The following RNF121 variants were observed in gnomAD, a reference collection of about 807,000 sequenced individuals.
RNF121 encodes the protein E3 ubiquitin ligase RNF121.
A neutral mutation model predicts 46.5 loss-of-function variants in RNF121; 21 were observed. The observed-to-expected ratio is 0.45, with a 90% CI of 0.32 to 0.65. The LOEUF is 0.65. Among genes scored for constraint, RNF121 ranks in the 30% least tolerant of loss-of-function variants. The probability of loss-of-function intolerance (pLI) is 0.04; values close to 1 mark genes in which losing one functional copy is unlikely to be tolerated. For missense variants in RNF121, 346 were observed against 416.0 expected, an observed-to-expected ratio of 0.83 and a Z score of 1.46; for synonymous variants, 139 against 144.7, an observed-to-expected ratio of 0.96 and a Z score of 0.28.
chr11:71,941,635 G>A (rs1953571265), intron 1 of RNF121, among the ~76,000 whole-genome samples: 1 of 152,220 alleles, frequency 6.6e-6, no homozygotes, highest in African/African-American at 2.4e-5. Flanking sequence ...ACTTTAAATA[G>A]GGTGATTATG....
chr11:71,956,603 G>C (rs184809168), intron 1 of RNF121, among the ~76,000 whole-genome samples: 3 of 152,342 alleles, frequency 2.0e-5, no homozygotes, highest in Non-Finnish European at 4.4e-5. Context: ...AGTTTGCCCA[G>C]GTCCAGTGTA....
At chr11:71,985,471 GTCTC>G (rs1351775758) in intron 4 of RNF121, among the ~76,000 whole-genome samples, 2 of 152,116 alleles carry the variant, frequency 1.3e-5, no homozygotes, top group African/African-American at 2.4e-5. Flanking sequence ...TTTTCACCGT[GTCTC>G]TCTCTTTTGT....
At chr11:71,982,370 A>G (rs1481005162) in intron 3 of RNF121, among the ~76,000 whole-genome samples, 1 of 150,194 alleles carries the variant, frequency 6.7e-6, no homozygotes, top group Non-Finnish European at 1.5e-5. Flanking sequence ...GTTGGATCCT[A>G]TCCTTTGACT....
At chr11:71,990,531 A>G (rs1954844996) in intron 5 of RNF121, 66 bp from the exon 6 acceptor site, 2 of 1,580,010 alleles carry the variant, frequency 1.3e-6, no homozygotes, top group African/African-American at 1.4e-5. Flanking sequence ...TGTGTGTCCC[A>G]GAGTAGTAAT....
At chr11:71,990,454 C>G in intron 5 of RNF121, 143 bp from the exon 6 acceptor site, 1 of 954,684 alleles carries the variant, frequency 1.0e-6, no homozygotes, top group Non-Finnish European at 1.6e-6. Context: ...AGACAGCAGA[C>G]TGGATTTGGT....
chr11:71,947,279 CG>C lies in RNF121; in HGVS notation c.64-9946del, dbSNP rs139479899. Among the ~76,000 whole-genome samples the C allele has an allele frequency of 3.9e-3, 598 of 152,052 alleles. 2 individuals carry two copies. The highest frequency in any genetic ancestry group is 0.014 in the African/African-American group (579 of 41,466). On this transcript the variant is annotated intron_variant, in intron 1 of 8. Coordinates refer to ENST00000361756, the MANE Select transcript of RNF121 (RefSeq NM_018320.5). ...TCCGAGCACTTTGGGAGGCCAGCGC[CG>C]GAGGATCACTTGAGCCCAGAAGTTT...
intron 4 of RNF121, among the ~76,000 whole-genome samples, chr11:71,986,780 A>G (rs1299021650): frequency 1.3e-5 from 2 of 151,656 alleles, no homozygotes; most frequent in African/African-American, 2.4e-5. Flanking sequence ...AAAAAAAAAA[A>G]AAAAAAAAAG....
At chr11:71,962,283 G>A (rs1954155968) in intron 3 of RNF121, 4 of 984,628 alleles carry the variant, frequency 4.1e-6, no homozygotes, top group Middle Eastern at 5.2e-4. Context: ...AACCTATTCT[G>A]AAGAAAGTGA....
intron 5 of RNF121, 65 bp from the exon 6 acceptor site, chr11:71,990,532 G>A: frequency 6.3e-7 from 1 of 1,582,620 alleles, no homozygotes; most frequent in Non-Finnish European, 8.6e-7. Context: ...GTGTGTCCCA[G>A]AGTAGTAATC....
chr11:71,941,930 ATTTTTTTTT>A (rs35553015), intron 1 of RNF121, among the ~76,000 whole-genome samples: 1 of 102,720 alleles, frequency 9.7e-6, no homozygotes, highest in Non-Finnish European at 2.1e-5. Flanking sequence ...TGTAATGAGA[ATTTTTTTTT>A]TTTTTTTTTT....
At chr11:71,943,492 T>TA (rs1239394169) in intron 1 of RNF121, among the ~76,000 whole-genome samples, 2 of 152,248 alleles carry the variant, frequency 1.3e-5, no homozygotes, top group African/African-American at 4.8e-5. Flanking sequence ...AGGCATTTGT[T>TA]ACGCCAGCCT....
intron 1 of RNF121, among the ~76,000 whole-genome samples, chr11:71,934,380 G>C (rs990616676): frequency 1.3e-5 from 2 of 152,246 alleles, no homozygotes; most frequent in African/African-American, 4.8e-5. Flanking sequence ...GGTGGGTGCA[G>C]TGGGCACATC....
intron 1 of RNF121, among the ~76,000 whole-genome samples, chr11:71,941,463 A>G (rs542254435): frequency 3.9e-5 from 6 of 152,352 alleles, no homozygotes; most frequent in South Asian, 2.1e-4. Flanking sequence ...TCTAGGTCCC[A>G]GTAATTCAGC....
At position 71,984,959 on chromosome 11, in the gene RNF121, TCG is replaced by T. The variant is rs1279841651; in HGVS notation, c.399-2043_399-2042del. Among the ~76,000 whole-genome samples the T allele has an allele frequency of 2.8e-3, 418 of 151,976 alleles. 1 individual carries two copies. The highest frequency in any genetic ancestry group is 9.7e-3 in the African/African-American group (402 of 41,456). On this transcript the variant is annotated intron_variant, in intron 4 of 8. Coordinates refer to ENST00000361756, the MANE Select transcript of RNF121 (RefSeq NM_018320.5). Reference sequence around the variant, plus strand: ...AAAATAGAGATGAGGTCGCACTCTGTCGCCCAGGCTAGAGTGCAGTGCCATGA... The same window carrying T: ...AAAATAGAGATGAGGTCGCACTCTGTCCCAGGCTAGAGTGCAGTGCCATGA...
At chr11:71,957,915 TAGTG>T (rs1288121413) in intron 2 of RNF121, among the ~76,000 whole-genome samples, 4 of 152,180 alleles carry the variant, frequency 2.6e-5, no homozygotes, top group African/African-American at 9.7e-5. Flanking sequence ...TAGAATTTAA[TAGTG>T]AGAAAAAACC....
intron 6 of RNF121, among the ~76,000 whole-genome samples, chr11:71,993,346 C>T (rs1366833568): frequency 6.6e-6 from 1 of 152,234 alleles, no homozygotes; most frequent in Non-Finnish European, 1.5e-5. Flanking sequence ...CAAACAGAAA[C>T]TCTGCCCATT....
chr11:71,952,144 G>C (rs1031502052), intron 1 of RNF121, among the ~76,000 whole-genome samples: 1 of 152,126 alleles, frequency 6.6e-6, no homozygotes, highest in Non-Finnish European at 1.5e-5. Flanking sequence ...CAATACAAAC[G>C]AATGAACTAC....
At chr11:71,936,611 G>C (rs1048033697) in intron 1 of RNF121, among the ~76,000 whole-genome samples, 1 of 151,996 alleles carries the variant, frequency 6.6e-6, no homozygotes, top group African/African-American at 2.4e-5. Context: ...AGCCAGGATG[G>C]TCTCGATCTC....
chr11:71,993,143 G>A (rs1201487446), intron 6 of RNF121, among the ~76,000 whole-genome samples: 1 of 152,164 alleles, frequency 6.6e-6, no homozygotes, highest in East Asian at 1.9e-4. Context: ...CAACTGTCTT[G>A]TGCTTTACCT....
Sources: gnomAD v4.1 joint callset for allele counts (sites outside exome capture counted in the v4.1 genomes callset) on GRCh38, gnomAD v4.1.1 for gene constraint, MANE v1.5 for transcripts, NCBI Gene and HGNC (gene_info 2026-07-23, HGNC 2026-07-21) for gene names.